The following PPP6R2 variants were observed in gnomAD, a reference collection of about 807,000 sequenced individuals.
The protein encoded by PPP6R2 is serine/threonine-protein phosphatase 6 regulatory subunit 2.
In PPP6R2, 62 loss-of-function variants were observed where a neutral mutation model predicts 100.2. That is an observed-to-expected ratio of 0.62 (90% CI 0.50 to 0.76). The LOEUF (loss-of-function observed/expected upper bound fraction) is 0.76. Among genes scored for constraint, PPP6R2 ranks in the 30% least tolerant of loss-of-function variants. The pLI, the probability that PPP6R2 is intolerant of heterozygous loss-of-function variation, is 0.00. For missense variants in PPP6R2, 1,142 were observed against 1,276.3 expected (o/e 0.89, Z 1.60); for synonymous variants, 525 against 514.7 (o/e 1.02, Z -0.27).
upstream of PPP6R2, among the ~76,000 whole-genome samples, chr22:50,340,136 ACAG>A (rs2042355895): frequency 1.3e-5 from 1 of 75,748 alleles, no homozygotes; most frequent in Non-Finnish European, 2.5e-5. Flanking sequence ...TGTGGTGTGT[ACAG>A]TGTGTGGTGT....
Position 50,444,218 on chromosome 22 carries a change from G to GAAGGAGC in PPP6R2, c.2852_2858dup (p.Ala954ArgfsTer41). On this transcript the variant is annotated frameshift_variant, in exon 24 of 24. Coordinates refer to ENST00000612753, the MANE Select transcript of PPP6R2 (RefSeq NM_001242898.2). LOFTEE classifies it high-confidence loss of function. ...CTGCAGGAAGACAGATGCCCCGCCAGAAGGAGCTGCCTTAAATGGCCCAGT... is the reference window on the plus strand; with the variant it reads ...CTGCAGGAAGACAGATGCCCCGCCAGAAGGAGCAAGGAGCTGCCTTAAATGGCCCAGT... The GAAGGAGC allele has an allele frequency of 1.2e-6, 2 of 1,613,230 alleles. No homozygotes were observed. The highest frequency in any genetic ancestry group is 1.7e-6 in the Non-Finnish European group (2 of 1,179,886).
chr22:50,388,401 A>AC (rs1462811647), intron 2 of PPP6R2, among the ~76,000 whole-genome samples: 1 of 151,378 alleles, frequency 6.6e-6, no homozygotes, highest in African/African-American at 2.4e-5. Flanking sequence ...CTCAAAAAAA[A>AC]AAAAAAATAA....
intron 1 of PPP6R2, among the ~76,000 whole-genome samples, chr22:50,360,716 C>T (rs1394676601): frequency 6.6e-6 from 1 of 152,110 alleles, no homozygotes; most frequent in African/African-American, 2.4e-5. Context: ...GAGAAGCTGG[C>T]AGTTAGCTAC....
At chr22:50,422,199 G>A (rs1283740203) in intron 8 of PPP6R2, 55 bp from the exon 9 acceptor site, 2 of 1,577,918 alleles carry the variant, frequency 1.3e-6, no homozygotes, top group Non-Finnish European at 8.6e-7. Context: ...AGTTGCTGGT[G>A]AGGTTGGACA....
intron 1 of PPP6R2, among the ~76,000 whole-genome samples, chr22:50,358,550 A>G (rs1237058746): frequency 2.6e-5 from 4 of 152,202 alleles, no homozygotes; most frequent in Non-Finnish European, 4.4e-5. Context: ...ATAAAATTTG[A>G]TAAGTTTTGA....
At chr22:50,408,391 A>G (rs532950063) in intron 4 of PPP6R2, among the ~76,000 whole-genome samples, 1 of 152,258 alleles carries the variant, frequency 6.6e-6, no homozygotes, top group East Asian at 1.9e-4. Context: ...CATGCATGTG[A>G]GTGTTCAGTG....
At chr22:50,341,242 G>A (rs2042365669), upstream of PPP6R2, among the ~76,000 whole-genome samples, 1 of 151,936 alleles carries the variant, frequency 6.6e-6, no homozygotes, top group African/African-American at 2.4e-5. Flanking sequence ...GTCTTGTTCT[G>A]TTACCCGGGC....
At position 50,438,611 on chromosome 22, in the gene PPP6R2, C is replaced by T. The variant is rs746184398; in HGVS notation, c.1977C>T (p.Pro659=). Residue 659 remains proline, a synonymous_variant, in exon 19 of 24, where the codon CCC becomes CCT. Transcript: ENST00000612753. ...RVMARPRFGA[P]HASESCSKNG... Reference sequence around the variant, plus strand: ...GAATCTCCCCCAGGTTTGGAGCCCCCCATGCTTCAGAGAGTTGCTCAAAGA... The same window carrying T: ...GAATCTCCCCCAGGTTTGGAGCCCCTCATGCTTCAGAGAGTTGCTCAAAGA... 2.5e-6 allele frequency: 4 copies of T among 1,614,014 alleles called. No individual in the cohort carries two copies. The highest frequency in any genetic ancestry group is 3.4e-6 in the Non-Finnish European group (4 of 1,179,988).
chr22:50,340,816 C>T (rs1457772858), upstream of PPP6R2, among the ~76,000 whole-genome samples: 2 of 151,802 alleles, frequency 1.3e-5, no homozygotes, highest in Non-Finnish European at 1.5e-5. Flanking sequence ...GAGCTCAGGT[C>T]ATGTAGGGCC....
At chr22:50,350,975 A>G (rs2044981893) in intron 1 of PPP6R2, among the ~76,000 whole-genome samples, 1 of 148,764 alleles carries the variant, frequency 6.7e-6, no homozygotes, top group African/African-American at 2.5e-5. Flanking sequence ...GTCAATGAGC[A>G]GTAATATTTT....
At chr22:50,388,878 AAAAAG>A (rs2054832297) in intron 2 of PPP6R2, 2 of 152,080 alleles carry the variant, frequency 1.3e-5, no homozygotes, top group African/African-American at 2.4e-5. Flanking sequence ...CTCAAAAAAA[AAAAAG>A]AAAAGAAAAA....
chr22:50,351,041 T>TTG (rs2045055822), intron 1 of PPP6R2, among the ~76,000 whole-genome samples: 1 of 124,420 alleles, frequency 8.0e-6, no homozygotes, highest in African/African-American at 3.0e-5. Context: ...TTTTTTTTTT[T>TTG]TTTTTTTTTT....
Position 50,444,618 on chromosome 22 carries a change from G to GTT in PPP6R2, c.*380_*381dup, listed in dbSNP as rs34079114. ...CGTGGACATGGAGGCTGTTTTTACA[G>GTT]TTTTTTTTTTGTTGTTGTTTTGTTT... On this transcript the variant is annotated 3_prime_UTR_variant, in exon 24 of 24. Coordinates refer to ENST00000612753, the MANE Select transcript of PPP6R2 (RefSeq NM_001242898.2). 27 of 199,728 alleles carry GTT rather than the reference G, an allele frequency of 1.4e-4. No homozygotes were observed. Among genetic ancestry groups the GTT allele is most frequent in the Middle Eastern group, 1.9e-3 (1 of 534 alleles). The allele number at this position is 199,728 out of a possible 1,614,324, so 12.4% of individuals were successfully genotyped here. A position where few individuals can be genotyped will look rare whatever the true frequency, so the allele number is the denominator to read the frequency against.
chr22:50,418,448 C>T (rs1004635899), intron 6 of PPP6R2, among the ~76,000 whole-genome samples: 4 of 151,246 alleles, frequency 2.6e-5, no homozygotes, highest in African/African-American at 7.3e-5. Context: ...TGCAGTGGTG[C>T]GATCTTGGCT....
rs2061658105 is a variant in PPP6R2, at chr22:50,423,971, T to C, written c.1125+357T>C. Among the ~76,000 whole-genome samples, 1 of 152,210 alleles carries C rather than the reference T, an allele frequency of 6.6e-6. No homozygotes were observed. Among genetic ancestry groups the C allele is most frequent in the Non-Finnish European group, 1.5e-5 (1 of 68,042 alleles). ...CGGTGGTTATTAGGTATAAAATGGC[T>C]AAAAGAGAAGCTCCTGTCGTCCACA... On this transcript the variant is annotated intron_variant, in intron 10 of 23. Transcript: ENST00000612753. The surrounding 1 kb of genome is among the most constrained non-coding windows in gnomAD (Gnocchi z 4.8).
At chr22:50,404,094 T>TC (rs2058464250) in intron 3 of PPP6R2, among the ~76,000 whole-genome samples, 1 of 151,560 alleles carries the variant, frequency 6.6e-6, no homozygotes, top group Non-Finnish European at 1.5e-5. Flanking sequence ...ATTCTATTTT[T>TC]TTTTTTTTTT....
intron 6 of PPP6R2, among the ~76,000 whole-genome samples, chr22:50,416,780 G>A (rs796503700): frequency 1.8e-4 from 28 of 151,874 alleles, no homozygotes; most frequent in African/African-American, 6.3e-4. Context: ...CCTGGCCAAC[G>A]TGGCGAAACC....
At position 50,414,703 on chromosome 22, in the gene PPP6R2, T is replaced by C. The variant is rs779021069; in HGVS notation, c.552+14T>C. 4 of 1,604,852 alleles carry C rather than the reference T, an allele frequency of 2.5e-6. No individual in the cohort carries two copies. Among genetic ancestry groups the C allele is most frequent in the Non-Finnish European group, 3.4e-6 (4 of 1,176,284 alleles). ...GACGTCCTGCACGTGAGTGCGGGAG[T>C]CCCCCCCCGTTCCCGAGGGCAGGGG... is the stretch of plus-strand genomic sequence containing the variant. On this transcript the variant is annotated intron_variant, in intron 5 of 23. Coordinates refer to ENST00000612753, the MANE Select transcript of PPP6R2 (RefSeq NM_001242898.2).
chr22:50,342,937 G>T (rs540018222), upstream of PPP6R2, among the ~76,000 whole-genome samples: 1 of 152,198 alleles, frequency 6.6e-6, no homozygotes, highest in African/African-American at 2.4e-5. Context: ...CCTGTGGCAG[G>T]AGGGAGGCCC....
Sources: gnomAD v4.1 joint callset for allele counts (sites outside exome capture counted in the v4.1 genomes callset) on GRCh38, gnomAD v4.1.1 for gene constraint, Gnocchi (gnomAD v3.1) non-coding constraint, MANE v1.5 for transcripts, NCBI Gene and HGNC (gene_info 2026-07-23, HGNC 2026-07-21) for gene names.